SULF2: variants seen among roughly 807,000 people sequenced by gnomAD.
SULF2 encodes sulfatase 2, also known as extracellular sulfatase Sulf-2.
In SULF2, 52 loss-of-function variants were observed where a neutral mutation model predicts 107.7. That is an observed-to-expected ratio of 0.48 (90% confidence interval 0.39 to 0.61). The LOEUF is 0.61. Ranked by LOEUF, SULF2 falls within the 20% of genes least tolerant of loss-of-function variation. SULF2 has a pLI of 0.00. For synonymous variants in SULF2, 460 were observed against 464.3 expected (o/e 0.99, Z 0.12); for missense variants, 993 against 1,177.3 (o/e 0.84, Z 2.29).
intron 4 of SULF2, among the ~76,000 whole-genome samples, chr20:47,691,008 C>T (rs1229173330): frequency 6.6e-6 from 1 of 152,160 alleles, no homozygotes; most frequent in African/African-American, 2.4e-5. Flanking sequence ...GATGATAATC[C>T]TTATTTTCCA....
rs749197900 is a variant in SULF2 at position 47,659,642 on chromosome 20, A to G, written c.2528+55T>C. Reference sequence around the variant, plus strand: ...TGCAGACTCACAGAGATGAGACTGAAGGATGGGCCAAGATAGGAGAACTTT... The same window carrying G: ...TGCAGACTCACAGAGATGAGACTGAGGGATGGGCCAAGATAGGAGAACTTT... On this transcript the variant is annotated intron_variant, in intron 19 of 20. Transcript: ENST00000688720. 619 of 1,513,490 alleles carry G rather than the reference A, an allele frequency of 4.1e-4. 1 individual carries two copies. The highest frequency in any genetic ancestry group is 5.6e-4 in the Non-Finnish European group (613 of 1,090,474). The allele number at this position is 1,513,490 out of a possible 1,614,324, so 93.8% of individuals were successfully genotyped here. A position where few individuals can be genotyped will look rare whatever the true frequency, so the allele number is the denominator to read the frequency against.
intron 2 of SULF2, among the ~76,000 whole-genome samples, chr20:47,738,633 TCTCACGAGA>T (rs1476781839): frequency 6.6e-6 from 1 of 152,174 alleles, no homozygotes. Context: ...AGTGAATAAG[TCTCACGAGA>T]TTTGATGGTT....
At chr20:47,696,479 T>C (rs772113619) in intron 4 of SULF2, among the ~76,000 whole-genome samples, 2 of 152,206 alleles carry the variant, frequency 1.3e-5, no homozygotes, top group African/African-American at 4.8e-5. Context: ...AGGTACATTA[T>C]AGTATCACTT....
chr20:47,784,598 C>T (rs954573251), intron 1 of SULF2, among the ~76,000 whole-genome samples: 3 of 152,142 alleles, frequency 2.0e-5, no homozygotes, highest in Admixed American at 1.3e-4. Context: ...CAGCTTCTGG[C>T]GCGCAGGAGC....
Position 47,658,325 on chromosome 20 carries a change from T to G in SULF2, c.*37A>C, listed in dbSNP as rs367838273. On this transcript the variant is annotated 3_prime_UTR_variant, in exon 21 of 21. Coordinates refer to ENST00000688720, the MANE Select transcript of SULF2 (RefSeq NM_001387048.1). ...TTTCATTGCCTGTGCAGTCAGGTGA[T>G]GCCTCTATGTTTTTGGAGGTCCACC... 5 of 1,610,944 alleles carry G rather than the reference T, an allele frequency of 3.1e-6. No homozygotes were observed. The African/African-American group carries it at 6.7e-5, about 22-fold the overall frequency.
chr20:47,674,736 G>A (rs2087584729), intron 10 of SULF2, among the ~76,000 whole-genome samples: 1 of 152,154 alleles, frequency 6.6e-6, no homozygotes. Flanking sequence ...CAATGCTATG[G>A]CTGGGTGTGA....
intron 2 of SULF2, among the ~76,000 whole-genome samples, chr20:47,749,758 A>G (rs2090121620): frequency 6.6e-6 from 1 of 152,200 alleles, no homozygotes; most frequent in African/African-American, 2.4e-5. Context: ...ACAGTTCTCC[A>G]GGCTGTATTC....
chr20:47,682,338 T>C (rs760222847), intron 7 of SULF2, among the ~76,000 whole-genome samples: 2 of 152,218 alleles, frequency 1.3e-5, no homozygotes, highest in South Asian at 2.1e-4. Flanking sequence ...ACAGTCTTAA[T>C]AGCAACACAT....
At chr20:47,741,028 C>T (rs73135289) in intron 2 of SULF2, among the ~76,000 whole-genome samples, 5,979 of 152,276 alleles carry the variant, frequency 0.039, 134 homozygotes, top group Non-Finnish European at 0.054. Flanking sequence ...TAAACACCCA[C>T]GATCGTACCC....
chr20:47,750,727 C>T (rs1383743246), intron 2 of SULF2, among the ~76,000 whole-genome samples: 1 of 152,218 alleles, frequency 6.6e-6, no homozygotes, highest in East Asian at 1.9e-4. Context: ...CACGGTCCAT[C>T]CAACCACCAC....
intron 11 of SULF2, among the ~76,000 whole-genome samples, chr20:47,667,153 A>G (rs1037820344): frequency 1.3e-5 from 2 of 152,260 alleles, no homozygotes; most frequent in Non-Finnish European, 1.5e-5. Context: ...CCTCAATTAA[A>G]AAGGAAAAAA....
intron 18 of SULF2, 86 bp downstream of exon 18, chr20:47,661,687 T>A (rs184167724): frequency 1.5e-6 from 2 of 1,329,624 alleles, no homozygotes; most frequent in Admixed American, 2.7e-5. Flanking sequence ...GATTTCAGGC[T>A]CATTCTTGGG....
At chr20:47,663,333 A>T in intron 16 of SULF2, 120 bp downstream of exon 16, 1 of 1,575,394 alleles carries the variant, frequency 6.3e-7, no homozygotes, top group Non-Finnish European at 8.6e-7. Flanking sequence ...GGCTGTCCCG[A>T]GCACCGTGGA....
At position 47,736,932 on chromosome 20, in the gene SULF2, C is replaced by T. The variant is rs747593696; in HGVS notation, c.186G>A (p.Gln62=). Reference sequence around the variant, plus strand: ...TGATGCGCCGGGTCTTGTTCATCACCTGCATGGAACCTGCAAGTCAAGGGT... The same window carrying T: ...TGATGCGCCGGGTCTTGTTCATCACTTGCATGGAACCTGCAAGTCAAGGGT... The part of the protein sequence containing the change: ...DDQDVELGSM[Q]VMNKTRRIME... Residue 62 remains glutamine, a synonymous_variant, in exon 3 of 21, where the codon CAG becomes CAA. Coordinates refer to ENST00000688720, the MANE Select transcript of SULF2 (RefSeq NM_001387048.1). 6.2e-7 allele frequency: 1 copy of T among 1,614,216 alleles called. No homozygotes were observed. Among genetic ancestry groups the T allele is most frequent in the Non-Finnish European group, 8.5e-7 (1 of 1,180,026 alleles).
intron 1 of SULF2, among the ~76,000 whole-genome samples, chr20:47,759,707 A>G (rs117667034): frequency 0.027 from 4,083 of 152,230 alleles, 84 homozygotes; most frequent in Middle Eastern, 0.078. Flanking sequence ...CAACAACAAC[A>G]ACAACAAACT....
chr20:47,744,816 C>A (rs1011889870), intron 2 of SULF2, among the ~76,000 whole-genome samples: 25 of 152,282 alleles, frequency 1.6e-4, no homozygotes, highest in African/African-American at 5.5e-4. Context: ...TGGCATGGGG[C>A]AGGCTGAGGA....
At position 47,678,530 on chromosome 20, in the gene SULF2, G is replaced by T; in HGVS notation, c.1193+146C>A. 3 of 993,686 alleles carry T rather than the reference G, an allele frequency of 3.0e-6. No homozygotes were observed. The highest frequency in any genetic ancestry group is 4.5e-6 in the Non-Finnish European group (3 of 670,390). The allele number at this position is 993,686 out of a possible 1,614,324, so 61.6% of individuals were successfully genotyped here. The stretch of plus-strand genomic sequence containing the variant: ...GAGGGGACCATGCTTCTCTCCCACA[G>T]CAGGTAAGTGGTTGGCATGGCGGGA... On this transcript the variant is annotated intron_variant, in intron 8 of 20. Transcript: ENST00000688720. This position sits in a 1 kb window ranked among gnomAD's most constrained non-coding sequence, Gnocchi z 4.5.
rs552679762 is a variant in SULF2 at position 47,708,433 on chromosome 20, T to C, written c.416-5763A>G. Among the ~76,000 whole-genome samples, 4 of 152,278 alleles carry C rather than the reference T, an allele frequency of 2.6e-5. No individual in the cohort carries two copies. In the South Asian group the frequency reaches 8.3e-4, roughly 32 times the overall value. On this transcript the variant is annotated intron_variant, in intron 3 of 20. Transcript: ENST00000688720. The stretch of plus-strand genomic sequence containing the variant: ...ACAGATCCCATAGGGTCCTGGAGAC[T>C]GTCATGAGGAGTGGCAGGGTTCGTA...
chr20:47,715,138 CCCAGG>C (rs1187804727), intron 3 of SULF2, among the ~76,000 whole-genome samples: 1 of 144,174 alleles, frequency 6.9e-6, no homozygotes, highest in Non-Finnish European at 1.5e-5. Flanking sequence ...CATTATGTTG[CCCAGG>C]CTGGTCTCAA....
Sources: allele counts gnomAD v4.1 joint callset (sites outside exome capture counted in the v4.1 genomes callset), GRCh38; gene constraint gnomAD v4.1.1; non-coding constraint Gnocchi (gnomAD v3.1); transcripts MANE v1.5; gene names NCBI Gene and HGNC (gene_info 2026-07-23, HGNC 2026-07-21).